TPI1: variants seen among roughly 807,000 people sequenced by gnomAD.
TPI1 encodes triosephosphate isomerase.
Under a neutral mutation model 31.0 loss-of-function variants are expected in TPI1, and 11 were observed. The ratio of observed to expected loss-of-function variants is 0.36; its 90% CI spans 0.22 to 0.59. The LOEUF is 0.59. Among genes scored for constraint, TPI1 ranks in the 20% least tolerant of loss-of-function variants. The pLI is 0.79. For missense variants in TPI1, 245 were observed against 319.7 expected, an observed-to-expected ratio of 0.77 and a Z score of 1.78; for synonymous variants, 121 against 122.8, an observed-to-expected ratio of 0.99 and a Z score of 0.10.
In TPI1 at chr12:6,869,345, G is replaced by A; in HGVS notation, c.412G>A (p.Gly138Ser). The A allele has an allele frequency of 6.2e-7, 1 of 1,614,140 alleles. No homozygotes were observed. Among genetic ancestry groups the A allele is most frequent in the Non-Finnish European group, 8.5e-7 (1 of 1,180,000 alleles). The stretch of plus-strand genomic sequence containing the variant: ...GGAGAAGCTAGATGAAAGGGAAGCT[G>A]GCATCACTGAGAAGGTTGTTTTCGA... ...IGEKLDEREA[G>S]ITEKVVFEQT... The change falls in exon 4 of 7, where the codon GGC becomes AGC. Residue 138 changes from glycine to serine, a missense_variant. Transcript: ENST00000396705.
rs377317837 is a variant in TPI1 at position 6,868,401 on chromosome 12, C to T, written c.116-463C>T. On this transcript the variant is annotated intron_variant, in intron 1 of 6. Transcript: ENST00000396705. ...CCACCGAAATCGGAGAGCCGCGGGC[C>T]TGATCCAAAGAGGCATCCCCTTCTC... The T allele has an allele frequency of 5.4e-6, 7 of 1,288,446 alleles. No homozygotes were observed. The African/African-American group carries it at 9.1e-5, about 17-fold the overall frequency. The allele number at this position is 1,288,446 out of a possible 1,614,324, so 79.8% of individuals were successfully genotyped here.
At chr12:6,868,836 TC>T (rs1390525791) in intron 1 of TPI1, 27 bp from the exon 2 acceptor site, 20 of 1,606,094 alleles carry the variant, frequency 1.2e-5, no homozygotes, top group Non-Finnish European at 1.4e-5. Context: ...TTTAGTCTCA[TC>T]CCCCTGTGGT....
At chr12:6,869,981 C>G in intron 5 of TPI1, 68 bp from the exon 6 acceptor site, 1 of 1,560,282 alleles carries the variant, frequency 6.4e-7, no homozygotes, top group Non-Finnish European at 8.8e-7. Flanking sequence ...TAAGTGTCCA[C>G]TGGTGCCAGT....
In TPI1 at chr12:6,868,909, A is replaced by G. The variant is rs1944517388; in HGVS notation, c.161A>G (p.Gln54Arg). 6.2e-7 allele frequency: 1 copy of G among 1,614,090 alleles called. No individual in the cohort carries two copies. The highest frequency in any genetic ancestry group is 1.3e-5 in the African/African-American group (1 of 75,046). ...PPTAYIDFAR[Q>R]KLDPKIAVAA... Reference sequence around the variant, plus strand: ...ACTGCCTATATCGACTTCGCCCGGCAGAAGCTAGATCCCAAGATTGCTGTG... The same window carrying G: ...ACTGCCTATATCGACTTCGCCCGGCGGAAGCTAGATCCCAAGATTGCTGTG... Residue 54 changes from glutamine to arginine, a missense_variant, in exon 2 of 7, where the codon CAG becomes CGG. Gln to Arg is a conservative substitution (Grantham distance 43). Transcript: ENST00000396705.
intron 1 of TPI1, chr12:6,868,074 G>C: frequency 8.1e-7 from 1 of 1,229,778 alleles, no homozygotes; most frequent in Non-Finnish European, 1.0e-6. Context: ...GGCCTCCCGC[G>C]CCGTGCGCCG....
chr12:6,868,071 C>T (rs998155713), intron 1 of TPI1: 1 of 1,232,496 alleles, frequency 8.1e-7, no homozygotes, highest in Non-Finnish European at 1.0e-6. Flanking sequence ...CCTGGCCTCC[C>T]GCGCCGTGCG....
chr12:6,868,837 C>A (rs999729211), intron 1 of TPI1, 27 bp from the exon 2 acceptor site: 11 of 1,606,254 alleles, frequency 6.8e-6, no homozygotes, highest in Middle Eastern at 2.0e-4. Context: ...TTAGTCTCAT[C>A]CCCCTGTGGT....
intron 1 of TPI1, chr12:6,868,303 C>T (rs782153509): frequency 8.5e-6 from 11 of 1,287,650 alleles, no homozygotes; most frequent in Non-Finnish European, 1.0e-5. Flanking sequence ...CAGCAAAGCG[C>T]AAGGCCTCTG....
rs1180608333 is a variant in TPI1, at chr12:6,867,573, C to G, written c.7C>G (p.Pro3Ala). 2 of 1,612,424 alleles carry G rather than the reference C, an allele frequency of 1.2e-6. No homozygotes were observed. The highest frequency in any genetic ancestry group is 1.7e-6 in the Non-Finnish European group (2 of 1,179,656). The change falls in exon 1 of 7, where the codon CCC becomes GCC. Residue 3 changes from proline (P) to alanine (A), a missense_variant. Transcript: ENST00000396705. MA[P>A]SRKFFVGGNW... ...GCGCCTCGGCTCCAGCGCCATGGCG[C>G]CCTCCAGGAAGTTCTTCGTTGGGGG...
At position 6,870,260 on chromosome 12, in the gene TPI1, C is replaced by A; in HGVS notation, c.632-5C>A. 1.2e-6 allele frequency: 2 copies of A among 1,605,192 alleles called. No individual in the cohort carries two copies. Among genetic ancestry groups the A allele is most frequent in the Non-Finnish European group, 1.7e-6 (2 of 1,171,428 alleles). On this transcript the variant is annotated splice_region_variant and splice_polypyrimidine_tract_variant and intron_variant, in intron 6 of 6. Transcript: ENST00000396705. ...GACCAAGCCCTTGTTCTGCTCCCTT[C>A]CCAGGCTCTGTGACTGGGGCAACCT...
chr12:6,867,521 G>A (rs1800201), upstream of TPI1: 13,767 of 1,596,292 alleles, frequency 8.6e-3, 486 homozygotes, highest in African/African-American at 0.11. Flanking sequence ...GGCAGTGGCC[G>A]CGACTGCGCG....
intron 1 of TPI1, chr12:6,868,332 C>T: frequency 3.9e-6 from 5 of 1,287,790 alleles, no homozygotes; most frequent in Non-Finnish European, 4.0e-6. Context: ...AGGTCTCTGC[C>T]ACCCACGGGC....
At position 6,867,663 on chromosome 12, in the gene TPI1, A is replaced by T; in HGVS notation, c.97A>T (p.Lys33Ter). 6.2e-7 allele frequency: 1 copy of T among 1,610,104 alleles called. No homozygotes were observed. The highest frequency in any genetic ancestry group is 8.5e-7 in the Non-Finnish European group (1 of 1,178,714). ...GCTCATCGGCACTCTGAACGCGGCC[A>T]AGGTGCCGGCCGACACCGGTAAGCC... is the stretch of plus-strand genomic sequence containing the variant. ...GELIGTLNAAKVPADTEVVCA... is the reference protein window; with the variant it reads ...GELIGTLNAA The change falls in exon 1 of 7, where the codon AAG (lysine) becomes TAG (stop). Residue 33 changes from lysine (K) to a stop codon, truncating the protein, a stop_gained. Transcript: ENST00000396705. LOFTEE classifies it high-confidence loss of function.
chr12:6,868,672 C>G, intron 1 of TPI1, 192 bp from the exon 2 acceptor site: 4 of 1,329,118 alleles, frequency 3.0e-6, no homozygotes, highest in Middle Eastern at 2.6e-4. Flanking sequence ...ATCTGGAAGG[C>G]TCTTCGAGTT....
At chr12:6,869,815 C>T (rs1555132411) in intron 5 of TPI1, 42 bp downstream of exon 5, 4 of 1,606,012 alleles carry the variant, frequency 2.5e-6, no homozygotes, top group Non-Finnish European at 3.4e-6. Context: ...CAGCCTGCCT[C>T]AATAGGTTTG....
At position 6,868,871 on chromosome 12, in the gene TPI1, T is replaced by C; in HGVS notation, c.123T>C (p.Val41=). The C allele has an allele frequency of 1.2e-6, 2 of 1,612,978 alleles. No homozygotes were observed. Among genetic ancestry groups the C allele is most frequent in the Non-Finnish European group, 1.7e-6 (2 of 1,179,748 alleles). The change falls in exon 2 of 7, where the codon GTT becomes GTC. Residue 41 remains valine (V), a synonymous_variant. Coordinates refer to ENST00000396705, the MANE Select transcript of TPI1 (RefSeq NM_000365.6). ...GTACCATCTTGTCCTCAGAGGTGGT[T>C]TGTGCTCCCCCTACTGCCTATATCG... ...AAKVPADTEV[V]CAPPTAYIDF...
chr12:6,869,970 C>T, intron 5 of TPI1, 79 bp from the exon 6 acceptor site: 2 of 1,526,812 alleles, frequency 1.3e-6, no homozygotes, highest in South Asian at 2.2e-5. Flanking sequence ...AGAAACCACA[C>T]TAAGTGTCCA....
rs201516567 is a variant in TPI1 at position 6,870,351 on chromosome 12, G to A, written c.718G>A (p.Glu240Lys). ...FLVGGASLKP[E>K]FVDIINAKQ ...TGTGGGTGGTGCTTCCCTCAAGCCC[G>A]AATTCGTGGACATCATCAATGCCAA... Residue 240 changes from glutamate to lysine, a missense_variant, in exon 7 of 7, where the codon GAA becomes AAA. Transcript: ENST00000396705. 5.0e-6 allele frequency: 8 copies of A among 1,613,926 alleles called. No homozygotes were observed. The highest frequency in any genetic ancestry group is 1.7e-5 in the Admixed American group (1 of 60,020).
upstream of TPI1, chr12:6,867,499 T>C: frequency 6.4e-7 from 1 of 1,564,112 alleles, no homozygotes; most frequent in Middle Eastern, 1.7e-4. Context: ...TTCGCGGCGC[T>C]CTATATAAGT....
Sources: gnomAD v4.1 joint callset for allele counts on GRCh38, gnomAD v4.1.1 for gene constraint, MANE v1.5 for transcripts, NCBI Gene and HGNC (gene_info 2026-07-23, HGNC 2026-07-21) for gene names.